The following MTX2 variants were observed in gnomAD, a reference collection of about 807,000 sequenced individuals.
The protein encoded by MTX2 is metaxin-2.
A neutral mutation model predicts 42.3 loss-of-function variants in MTX2; 35 were observed. The observed-to-expected ratio is 0.83, with a 90% confidence interval of 0.63 to 1.10. The LOEUF (loss-of-function observed/expected upper bound fraction) is 1.10, where lower values mean the gene tolerates loss of function less well. MTX2 is among the 50% of genes least tolerant of loss of function. The probability of loss-of-function intolerance (pLI) is 0.00; values close to 1 mark genes in which losing one functional copy is unlikely to be tolerated. For missense variants in MTX2, 307 were observed against 304.1 expected (o/e 1.01, Z -0.07); for synonymous variants, 119 against 100.9 (o/e 1.18, Z -1.08).
intron 1 of MTX2, among the ~76,000 whole-genome samples, chr2:176,292,857 A>G (rs1693358901): frequency 6.6e-6 from 1 of 152,156 alleles, no homozygotes; most frequent in Admixed American, 6.5e-5. Context: ...CTGTTATACA[A>G]GTTAATTGGG....
chr2:176,329,553 C>T, intron 8 of MTX2, 127 bp downstream of exon 8: 3 of 975,530 alleles, frequency 3.1e-6, no homozygotes, highest in South Asian at 2.5e-5. Context: ...GTGATTTTCA[C>T]TAACATGAAG....
At chr2:176,329,268 G>C in intron 7 of MTX2, 33 bp from the exon 8 acceptor site, 1 of 1,554,888 alleles carries the variant, frequency 6.4e-7, no homozygotes, top group South Asian at 1.3e-5. Flanking sequence ...TTTTAGGAAG[G>C]ATCACCTTTT....
At chr2:176,307,806 G>A (rs1371688690) in intron 3 of MTX2, among the ~76,000 whole-genome samples, 4 of 152,178 alleles carry the variant, frequency 2.6e-5, no homozygotes, top group South Asian at 4.1e-4. Flanking sequence ...GGGCTGAGAC[G>A]ATGGGGTTTT....
chr2:176,322,220 A>G (rs1228111155), intron 3 of MTX2, among the ~76,000 whole-genome samples: 2 of 152,106 alleles, frequency 1.3e-5, no homozygotes, highest in African/African-American at 4.8e-5. Flanking sequence ...TCTTTGTACA[A>G]GATATTAATC....
intron 3 of MTX2, among the ~76,000 whole-genome samples, chr2:176,319,442 C>CTT (rs71004269): frequency 2.4e-4 from 31 of 130,576 alleles, no homozygotes; most frequent in African/African-American, 7.6e-4. Context: ...TTTGGCTTTG[C>CTT]TTTTTTTTTT....
chr2:176,271,409 G>A (rs376667108), intron 1 of MTX2, among the ~76,000 whole-genome samples: 2 of 152,068 alleles, frequency 1.3e-5, no homozygotes, highest in African/African-American at 2.4e-5. Context: ...TTTGATTGCC[G>A]AAAAAATTTT....
chr2:176,290,389 T>G (rs567184930), intron 1 of MTX2, among the ~76,000 whole-genome samples: 1 of 152,258 alleles, frequency 6.6e-6, no homozygotes, highest in Admixed American at 6.5e-5. Context: ...GACTCTTCCT[T>G]GCTCTAGAGT....
intron 1 of MTX2, chr2:176,270,476 T>A: frequency 8.0e-7 from 1 of 1,247,598 alleles, no homozygotes; most frequent in Non-Finnish European, 1.1e-6. Context: ...AATTAAATAT[T>A]GTTGAGAAAG....
intron 1 of MTX2, among the ~76,000 whole-genome samples, chr2:176,280,581 T>C (rs1371362361): frequency 6.6e-6 from 1 of 152,216 alleles, no homozygotes; most frequent in African/African-American, 2.4e-5. Flanking sequence ...CATTTGTGTC[T>C]TTCCACAAGG....
At chr2:176,309,628 T>A (rs1425637217) in intron 3 of MTX2, among the ~76,000 whole-genome samples, 1 of 152,084 alleles carries the variant, frequency 6.6e-6, no homozygotes, top group Non-Finnish European at 1.5e-5. Flanking sequence ...GTTGAATTGA[T>A]CCCTTTACCA....
At chr2:176,298,528 G>A (rs1160526841) in intron 3 of MTX2, among the ~76,000 whole-genome samples, 1 of 151,986 alleles carries the variant, frequency 6.6e-6, no homozygotes, top group Non-Finnish European at 1.5e-5. Context: ...GGATACTTGG[G>A]GATGGTTTGC....
At chr2:176,285,678 C>A (rs991026796) in intron 1 of MTX2, among the ~76,000 whole-genome samples, 3 of 151,588 alleles carry the variant, frequency 2.0e-5, no homozygotes, top group African/African-American at 7.3e-5. Flanking sequence ...TGAGGGTCAT[C>A]CATGTATTCA....
At chr2:176,297,266 C>T (rs1225694379) in intron 2 of MTX2, among the ~76,000 whole-genome samples, 1 of 152,094 alleles carries the variant, frequency 6.6e-6, no homozygotes, top group Non-Finnish European at 1.5e-5. Flanking sequence ...AATGTATAGG[C>T]TAGGATGGTT....
intron 3 of MTX2, among the ~76,000 whole-genome samples, chr2:176,303,885 T>C (rs2105419968): frequency 6.6e-6 from 1 of 152,188 alleles, no homozygotes; most frequent in Non-Finnish European, 1.5e-5. Flanking sequence ...CACACTCCTG[T>C]AGTTCTGAGA....
Position 176,319,965 on chromosome 2 carries a change from A to G in MTX2, c.136-3427A>G, listed in dbSNP as rs1364462090. On this transcript the variant is annotated intron_variant, in intron 3 of 9. Transcript: ENST00000249442. ...TGCTCCCTCCTCGGCCTCTGGAAGC[A>G]CTGGGACTGGCCTGTTTTTGCATTT... Among the ~76,000 whole-genome samples the G allele has an allele frequency of 2.0e-5, 3 of 152,148 alleles. No individual in the cohort carries two copies. The East Asian group carries it at 5.8e-4, about 29-fold the overall frequency.
chr2:176,290,510 C>G (rs895863461), intron 1 of MTX2, among the ~76,000 whole-genome samples: 4 of 152,160 alleles, frequency 2.6e-5, no homozygotes, highest in Non-Finnish European at 5.9e-5. Flanking sequence ...TGATTACTGA[C>G]TTTGTCTGAC....
Position 176,269,622 on chromosome 2 carries a change from C to T in MTX2, c.-8C>T, listed in dbSNP as rs772055542. 3 of 1,589,722 alleles carry T rather than the reference C, an allele frequency of 1.9e-6. No homozygotes were observed. The African/African-American group carries it at 4.0e-5, about 21-fold the overall frequency. ...GCAGGCACCCGGGCGCCGGGCCTCC[C>T]AGCCGACATGTCTCTAGTGGCGGAA... On this transcript the variant is annotated 5_prime_UTR_variant, in exon 1 of 10. Coordinates refer to ENST00000249442, the MANE Select transcript of MTX2 (RefSeq NM_006554.5).
chr2:176,299,730 T>G (rs911905685), intron 3 of MTX2, among the ~76,000 whole-genome samples: 1 of 152,102 alleles, frequency 6.6e-6, no homozygotes, highest in Admixed American at 6.6e-5. Flanking sequence ...GGCCAGCATT[T>G]GTTTAGAAGA....
intron 4 of MTX2, among the ~76,000 whole-genome samples, chr2:176,324,089 GATAA>G (rs1467924032): frequency 8.6e-5 from 13 of 151,544 alleles, no homozygotes; most frequent in South Asian, 4.2e-4. Flanking sequence ...CTACAAAGCT[GATAA>G]ATAAATGTTA....
Sources: allele counts gnomAD v4.1 joint callset (sites outside exome capture counted in the v4.1 genomes callset), GRCh38; gene constraint gnomAD v4.1.1; transcripts MANE v1.5; gene names NCBI Gene and HGNC (gene_info 2026-07-23, HGNC 2026-07-21).